GRIK1: variants seen among roughly 807,000 people sequenced by gnomAD.
GRIK1 encodes glutamate ionotropic receptor kainate type subunit 1, also known as glutamate receptor ionotropic, kainate 1.
In GRIK1, 69 loss-of-function variants were observed where a neutral mutation model predicts 105.7. That is an observed-to-expected ratio of 0.65 (90% CI 0.54 to 0.80). GRIK1 has a LOEUF of 0.80. GRIK1 is among the 30% of genes least tolerant of loss of function. The pLI is 0.00. For missense variants in GRIK1, 1,109 were observed against 1,167.3 expected (o/e 0.95, Z 0.73); for synonymous variants, 438 against 431.3 (o/e 1.02, Z -0.19).
chr21:29,615,436 A>G (rs1245447395), intron 7 of GRIK1, among the ~76,000 whole-genome samples: 1 of 152,036 alleles, frequency 6.6e-6, no homozygotes, highest in Admixed American at 6.5e-5. Context: ...CAGCCTCCCA[A>G]GTAGCTGGGA....
At chr21:29,814,948 A>G (rs540368253) in intron 1 of GRIK1, among the ~76,000 whole-genome samples, 1 of 152,276 alleles carries the variant, frequency 6.6e-6, no homozygotes, top group African/African-American at 2.4e-5. Context: ...TGACCTGGTC[A>G]CTTTACCTCT....
chr21:29,932,077 G>T (rs2071585821), intron 1 of GRIK1, among the ~76,000 whole-genome samples: 1 of 152,064 alleles, frequency 6.6e-6, no homozygotes, highest in African/African-American at 2.4e-5. Context: ...TTAATAAGTA[G>T]AAATTTTCAA....
chr21:29,780,759 C>T (rs1035415457), intron 1 of GRIK1, among the ~76,000 whole-genome samples: 48 of 152,262 alleles, frequency 3.2e-4, no homozygotes, highest in African/African-American at 1.1e-3. Flanking sequence ...GATTTCCTGT[C>T]CATCTTTATA....
chr21:29,799,486 G>T (rs1011639900), intron 1 of GRIK1, among the ~76,000 whole-genome samples: 10 of 150,624 alleles, frequency 6.6e-5, no homozygotes, highest in Non-Finnish European at 4.4e-5. Context: ...GAGCCCCAGA[G>T]CCCAGGTGTT....
chr21:29,867,865 A>AAAGAAG (rs1177853109), intron 1 of GRIK1, among the ~76,000 whole-genome samples: 1,013 of 70,082 alleles, frequency 0.014, 11 homozygotes, highest in African/African-American at 0.042. Flanking sequence ...AGAAAGAGAG[A>AAAGAAG]GAAAGAGAGA....
At chr21:29,644,787 C>A (rs746001853) in intron 6 of GRIK1, among the ~76,000 whole-genome samples, 21 of 152,202 alleles carry the variant, frequency 1.4e-4, no homozygotes, top group East Asian at 1.3e-3. Context: ...AAGCTACTGG[C>A]AGATTGAGAC....
At chr21:29,775,490 G>A (rs995625695) in intron 1 of GRIK1, among the ~76,000 whole-genome samples, 17 of 152,094 alleles carry the variant, frequency 1.1e-4, no homozygotes, top group African/African-American at 4.1e-4. Context: ...CAACCAGCCT[G>A]GACAGGCTTC....
intron 1 of GRIK1, among the ~76,000 whole-genome samples, chr21:29,872,001 C>T (rs932789825): frequency 6.6e-6 from 1 of 151,700 alleles, no homozygotes; most frequent in African/African-American, 2.4e-5. Context: ...TGAGCTCAAG[C>T]AATCCATCCA....
chr21:29,587,371 A>C lies in GRIK1; in HGVS notation c.1788T>G (p.Ile596Met). 6.3e-7 allele frequency: 1 copy of C among 1,595,994 alleles called. No individual in the cohort carries two copies. The highest frequency in any genetic ancestry group is 8.6e-7 in the Non-Finnish European group (1 of 1,163,502). The change falls in exon 12 of 18, where the codon ATT becomes ATG. Residue 596 changes from isoleucine to methionine, a missense_variant. Coordinates refer to ENST00000327783, the MANE Select transcript of GRIK1 (RefSeq NM_001330994.2). The stretch of plus-strand genomic sequence containing the variant: ...TCAGTGATTCTCAAACTTACCTTGC[A>C]ATCACAAAGAGTACACAGCTGACTC... ...CLGVSCVLFV[I>M]ARFTPYEWYN... is the part of the protein sequence containing the mutation.
At chr21:29,888,205 C>CTCTTTCTTTCTTCCTTTCTT (rs2069739460) in intron 1 of GRIK1, among the ~76,000 whole-genome samples, 1 of 62,532 alleles carries the variant, frequency 1.6e-5, no homozygotes, top group African/African-American at 5.1e-5. Context: ...TTCTCTCTCT[C>CTCTTTCTTTCTTCCTTTCTT]TCTCTCTCTC....
intron 1 of GRIK1, among the ~76,000 whole-genome samples, chr21:29,815,273 A>G (rs1033721672): frequency 6.6e-6 from 1 of 152,192 alleles, no homozygotes; most frequent in African/African-American, 2.4e-5. Context: ...TCCTAACTGC[A>G]TGACTTTAGG....
At chr21:29,782,671 G>A (rs552883153) in intron 1 of GRIK1, among the ~76,000 whole-genome samples, 3 of 152,252 alleles carry the variant, frequency 2.0e-5, no homozygotes, top group East Asian at 3.9e-4. Context: ...CATAAAACGG[G>A]CAAAGATTTC....
intron 1 of GRIK1, among the ~76,000 whole-genome samples, chr21:29,785,735 T>C (rs1405960239): frequency 6.6e-6 from 1 of 152,158 alleles, no homozygotes; most frequent in Non-Finnish European, 1.5e-5. Context: ...GAACAGAAAC[T>C]TGGTGGCTTA....
chr21:29,695,762 C>T (rs560074214), intron 1 of GRIK1, among the ~76,000 whole-genome samples: 14 of 152,244 alleles, frequency 9.2e-5, no homozygotes, highest in Non-Finnish European at 1.8e-4. Flanking sequence ...CATGAGCCAC[C>T]GTGCCTGGCC....
intron 10 of GRIK1, among the ~76,000 whole-genome samples, chr21:29,590,516 G>A: frequency 6.6e-6 from 1 of 152,194 alleles, no homozygotes; most frequent in South Asian, 2.1e-4. Flanking sequence ...TGTGAGCAGA[G>A]CAAAGGGAGC....
intron 1 of GRIK1, among the ~76,000 whole-genome samples, chr21:29,881,823 C>T (rs758806817): frequency 3.7e-4 from 57 of 152,084 alleles, no homozygotes; most frequent in Non-Finnish European, 6.2e-4. Flanking sequence ...GTAAAGTGTG[C>T]TCCACAATGG....
chr21:29,646,445 C>A (rs192971368), intron 6 of GRIK1, among the ~76,000 whole-genome samples: 3 of 152,162 alleles, frequency 2.0e-5, no homozygotes, highest in East Asian at 3.9e-4. Flanking sequence ...TTTACTCTAT[C>A]GTCTGTTGCT....
intron 7 of GRIK1, among the ~76,000 whole-genome samples, chr21:29,634,839 C>T (rs1030242458): frequency 1.3e-5 from 2 of 152,104 alleles, no homozygotes; most frequent in Admixed American, 6.5e-5. Flanking sequence ...GTCAGGAAAA[C>T]AAAAAGCCAT....
intron 1 of GRIK1, among the ~76,000 whole-genome samples, chr21:29,796,753 A>G (rs1019317024): frequency 5.9e-5 from 9 of 152,162 alleles, no homozygotes; most frequent in Non-Finnish European, 1.3e-4. Flanking sequence ...GTTCGAGACC[A>G]GCCTGGCCAA....
Sources: gnomAD v4.1 joint callset for allele counts (sites outside exome capture counted in the v4.1 genomes callset) on GRCh38, gnomAD v4.1.1 for gene constraint, MANE v1.5 for transcripts, NCBI Gene and HGNC (gene_info 2026-07-23, HGNC 2026-07-21) for gene names.